The following RASGRP3 variants were observed in gnomAD, a reference collection of about 807,000 sequenced individuals.
RASGRP3 encodes RAS guanyl releasing protein 3, also known as ras guanyl-releasing protein 3.
Under a neutral mutation model 82.7 loss-of-function variants are expected in RASGRP3, and 54 were observed. The observed-to-expected ratio is 0.65, with a 90% confidence interval of 0.52 to 0.82. The LOEUF is 0.82. Ranked by LOEUF, RASGRP3 falls within the 40% of genes least tolerant of loss-of-function variation. The probability of loss-of-function intolerance (pLI) is 0.00; values close to 1 mark genes in which losing one functional copy is unlikely to be tolerated. For synonymous variants in RASGRP3, 309 were observed against 300.5 expected (o/e 1.03, Z -0.29); for missense variants, 861 against 828.9 (o/e 1.04, Z -0.48).
intron 2 of RASGRP3, among the ~76,000 whole-genome samples, chr2:33,469,128 T>C (rs945796692): frequency 9.9e-5 from 15 of 151,982 alleles, no homozygotes; most frequent in African/African-American, 3.6e-4. Context: ...CATGTGTAGA[T>C]TGGTCATTTA....
intron 1 of RASGRP3, among the ~76,000 whole-genome samples, chr2:33,484,535 CA>C (rs1668198823): frequency 1.3e-5 from 2 of 149,818 alleles, no homozygotes; most frequent in South Asian, 4.2e-4. Flanking sequence ...CTTTAGAGAT[CA>C]TTTTTTTTTT....
chr2:33,486,852 C>T (rs17013131), intron 1 of RASGRP3, among the ~76,000 whole-genome samples: 8,385 of 151,708 alleles, frequency 0.055, 257 homozygotes, highest in South Asian at 0.1. Context: ...GGAAGAGGGA[C>T]GGGAGAAAAG....
chr2:33,481,626 A>T (rs1490701450), intron 1 of RASGRP3: 3 of 152,226 alleles, frequency 2.0e-5, no homozygotes, highest in Non-Finnish European at 4.4e-5. Flanking sequence ...CACTCATGAT[A>T]TTTCCAAAGC....
upstream of RASGRP3, among the ~76,000 whole-genome samples, chr2:33,473,377 C>T (rs143281744): frequency 0.011 from 1,553 of 144,752 alleles, 24 homozygotes; most frequent in African/African-American, 0.039. Flanking sequence ...AGTGAGACTC[C>T]GTCTCAAAAA....
At chr2:33,457,157 C>T (rs1328852328) in intron 2 of RASGRP3, among the ~76,000 whole-genome samples, 1 of 152,088 alleles carries the variant, frequency 6.6e-6, no homozygotes, top group Non-Finnish European at 1.5e-5. Flanking sequence ...AGGTGCGAGC[C>T]GCCATGCCGG....
At chr2:33,507,428 A>G (rs1369909824) in intron 1 of RASGRP3, among the ~76,000 whole-genome samples, 1 of 152,188 alleles carries the variant, frequency 6.6e-6, no homozygotes, top group Non-Finnish European at 1.5e-5. Context: ...GGTGGGGCAG[A>G]GATGCAGAAA....
At chr2:33,537,321 C>CCA (rs1553359084) in intron 11 of RASGRP3, among the ~76,000 whole-genome samples, 26 of 103,104 alleles carry the variant, frequency 2.5e-4, no homozygotes, top group African/African-American at 7.6e-4. Context: ...CACACACACA[C>CCA]CGCCCCCCCC....
In RASGRP3 at chr2:33,563,652, T is replaced by G. The variant is rs1676936713; in HGVS notation, c.*915T>G. ...TACTAGGTGAAATGCAAAACAACCA[T>G]CAATTTTTTTAAACTCAATAATTTT... On this transcript the variant is annotated 3_prime_UTR_variant, in exon 18 of 18. Coordinates refer to ENST00000403687, the MANE Select transcript of RASGRP3 (RefSeq NM_001139488.2). 1 of 151,644 alleles carries G rather than the reference T, an allele frequency of 6.6e-6. No homozygotes were observed. Among genetic ancestry groups the G allele is most frequent in the Non-Finnish European group, 1.5e-5 (1 of 67,904 alleles). 9.4% of individuals were successfully genotyped at this position (151,644 alleles called of 1,614,324 possible). A position where few individuals can be genotyped will look rare whatever the true frequency, so the allele number is the denominator to read the frequency against.
chr2:33,465,701 C>T (rs1666656815), intron 2 of RASGRP3, among the ~76,000 whole-genome samples: 4 of 152,174 alleles, frequency 2.6e-5, no homozygotes, highest in African/African-American at 9.6e-5. Flanking sequence ...AAGATGTCAT[C>T]TAGGACTTTC....
At chr2:33,544,854 T>A (rs1212992070) in intron 13 of RASGRP3, among the ~76,000 whole-genome samples, 1 of 152,084 alleles carries the variant, frequency 6.6e-6, no homozygotes, top group Non-Finnish European at 1.5e-5. Flanking sequence ...TAATTGAATT[T>A]AAAAAATAAA....
chr2:33,499,554 A>G (rs150900020), intron 1 of RASGRP3, among the ~76,000 whole-genome samples: 110 of 152,270 alleles, frequency 7.2e-4, no homozygotes, highest in Admixed American at 1.8e-3. Flanking sequence ...TGAGACCCGC[A>G]TCTCAAAACA....
chr2:33,483,076 A>T (rs2150942491), intron 1 of RASGRP3: 1 of 152,242 alleles, frequency 6.6e-6, no homozygotes, highest in South Asian at 2.1e-4. Flanking sequence ...TTAAAAGTAT[A>T]CCTTCCTGGA....
At chr2:33,477,226 G>C (rs1667455893) in intron 1 of RASGRP3, among the ~76,000 whole-genome samples, 2 of 152,180 alleles carry the variant, frequency 1.3e-5, no homozygotes, top group Non-Finnish European at 2.9e-5. Flanking sequence ...TAACTGTGTA[G>C]AACTGTCTGC....
At chr2:33,447,791 T>G (rs142011345) in intron 1 of RASGRP3, 20 of 152,346 alleles carry the variant, frequency 1.3e-4, no homozygotes, top group African/African-American at 4.8e-4. Context: ...CCTTCTTCAA[T>G]GTCTTCTCTC....
chr2:33,487,425 A>C (rs769120229), intron 1 of RASGRP3, among the ~76,000 whole-genome samples: 4 of 152,210 alleles, frequency 2.6e-5, no homozygotes, highest in Non-Finnish European at 5.9e-5. Flanking sequence ...GGTAAAGTTG[A>C]TAGTTCTTGA....
chr2:33,492,755 G>A (rs1668965384), intron 1 of RASGRP3, among the ~76,000 whole-genome samples: 1 of 152,170 alleles, frequency 6.6e-6, no homozygotes, highest in Non-Finnish European at 1.5e-5. Context: ...AGTCTGTGGT[G>A]TTTTGTTATA....
chr2:33,530,558 G>A (rs180730117), intron 10 of RASGRP3, among the ~76,000 whole-genome samples: 6 of 148,584 alleles, frequency 4.0e-5, no homozygotes, highest in Admixed American at 1.4e-4. Flanking sequence ...AAAGGACAGG[G>A]AGCAAACTTC....
intron 11 of RASGRP3, 134 bp from the exon 12 acceptor site, chr2:33,538,960 G>C: frequency 1.6e-6 from 1 of 624,126 alleles, no homozygotes; most frequent in South Asian, 2.1e-5. Flanking sequence ...GATGGCTTGA[G>C]CCCAGGAGGC....
Position 33,549,671 on chromosome 2 carries a change from A to C in RASGRP3, c.1462A>C (p.Lys488Gln), listed in dbSNP as rs1172549288. The C allele has an allele frequency of 3.1e-6, 5 of 1,613,648 alleles. No individual in the cohort carries two copies. Among genetic ancestry groups the C allele is most frequent in the East Asian group, 2.2e-5 (1 of 44,886 alleles). ...FLRAKSQLHC[K>Q]MGPGFIHNFQ... ...GAGAGCTAAATCCCAACTACACTGTAAAATGGGACCAGGATTTATCCATAA... is the reference window on the plus strand; with the variant it reads ...GAGAGCTAAATCCCAACTACACTGTCAAATGGGACCAGGATTTATCCATAA... The change falls in exon 14 of 18, where the codon AAA becomes CAA. Residue 488 changes from lysine to glutamine, a missense_variant. Lys to Gln is a moderately conservative substitution (Grantham distance 53). Coordinates refer to ENST00000403687, the MANE Select transcript of RASGRP3 (RefSeq NM_001139488.2).
Sources: gnomAD v4.1 joint callset for allele counts (sites outside exome capture counted in the v4.1 genomes callset) on GRCh38, gnomAD v4.1.1 for gene constraint, MANE v1.5 for transcripts, NCBI Gene and HGNC (gene_info 2026-07-23, HGNC 2026-07-21) for gene names.